XKRX: variants seen among roughly 807,000 people sequenced by gnomAD.
The protein encoded by XKRX is XK related X-linked, also known as XK-related protein 2.
Under a neutral mutation model 22.4 loss-of-function variants are expected in XKRX, and 11 were observed. That is an observed-to-expected ratio of 0.49 (90% CI 0.31 to 0.81). The LOEUF is 0.81. Ranked by LOEUF, XKRX falls within the 40% of genes least tolerant of loss-of-function variation. XKRX has a pLI of 0.05. For synonymous variants in XKRX, 114 were observed against 132.2 expected (o/e 0.86, Z 0.94); for missense variants, 320 against 336.5 (o/e 0.95, Z 0.38).
chrX:100,915,696 G>T (rs1005897942), intron 2 of XKRX, among the ~76,000 whole-genome samples: 2 of 102,954 alleles, frequency 1.9e-5, no homozygotes, highest in African/African-American at 8.1e-5. Context: ...GTCTGTGTGT[G>T]TGTGTGTGTG....
rs769954458 is a variant in XKRX at position 100,928,230 on chromosome X, A to G, written c.75T>C (p.Arg25=). 6 of 1,212,026 alleles carry G rather than the reference A, an allele frequency of 5.0e-6. No homozygotes were observed. In the East Asian group the frequency reaches 1.8e-4, roughly 36 times the overall value. The change falls in exon 1 of 3, where the codon CGT becomes CGC. Residue 25 remains arginine (R), a synonymous_variant. Transcript: ENST00000372956. ...PVSSLEEDVI[R]GANPRFTFPF... ...GAAAAGTAAATCGGGGGTTGGCTCC[A>G]CGGATGACATCTTCCTCCAGAGATG...
At chrX:100,892,542 A>G in the XKRX span, among the ~76,000 whole-genome samples, 1 of 112,837 alleles carries the variant, frequency 8.9e-6, no homozygotes, top group African/African-American at 3.2e-5. Flanking sequence ...TCAAAAGACA[A>G]CAAACAAGTG....
upstream of XKRX, among the ~76,000 whole-genome samples, chrX:100,931,647 C>A (rs779910921): frequency 1.3e-4 from 14 of 111,566 alleles, no homozygotes; most frequent in African/African-American, 4.2e-4. Context: ...CTGCCTCCCC[C>A]CAAAAATGTA....
chrX:100,940,680 A>G, the XKRX span, among the ~76,000 whole-genome samples: 60 of 111,556 alleles, frequency 5.4e-4, no homozygotes, highest in Non-Finnish European at 9.8e-4. Context: ...AGCTTGCTCA[A>G]AATACTGATT....
intron 1 of XKRX, among the ~76,000 whole-genome samples, chrX:100,923,808 T>C (rs1569455764): frequency 9.2e-6 from 1 of 108,721 alleles, no homozygotes; most frequent in Non-Finnish European, 1.9e-5. Context: ...ACCAAAGTTT[T>C]AGATTCTGCT....
chrX:100,928,711 CGGG>C lies in XKRX; in HGVS notation c.-410_-408del. The C allele has an allele frequency of 2.6e-6, 2 of 776,926 alleles. No individual in the cohort carries two copies. Among genetic ancestry groups the C allele is most frequent in the Non-Finnish European group, 3.1e-6 (2 of 654,579 alleles). The allele number at this position is 776,926 out of a possible 1,213,427, so 64.0% of individuals were successfully genotyped here. The stretch of plus-strand genomic sequence containing the variant: ...CTCAGGCAGGGTGTAGCCGATCTGT[CGGG>C]GGCACCGACACTCAGCAGCTCCTCA... On this transcript the variant is annotated 5_prime_UTR_variant, in exon 1 of 3. Coordinates refer to ENST00000372956, the MANE Select transcript of XKRX (RefSeq NM_212559.3).
the XKRX span, among the ~76,000 whole-genome samples, chrX:100,938,345 T>A: frequency 9.0e-6 from 1 of 111,545 alleles, no homozygotes; most frequent in Admixed American, 9.6e-5. Flanking sequence ...AACTGTGGGA[T>A]TGGCCGGGTG....
At chrX:100,908,978 C>T (rs957353911), downstream of XKRX, among the ~76,000 whole-genome samples, 2 of 111,786 alleles carry the variant, frequency 1.8e-5, no homozygotes, top group African/African-American at 6.5e-5. Flanking sequence ...AACTAGAAGT[C>T]AGCTTCCTAG....
At chrX:100,913,193 A>G (rs1423410506), downstream of XKRX, among the ~76,000 whole-genome samples, 2 of 107,543 alleles carry the variant, frequency 1.9e-5, no homozygotes, top group African/African-American at 6.9e-5. Flanking sequence ...GCGAGACTCC[A>G]TCTCAAAAAA....
chrX:100,912,608 G>A (rs1360874167), downstream of XKRX, among the ~76,000 whole-genome samples: 1 of 111,871 alleles, frequency 8.9e-6, no homozygotes, highest in Non-Finnish European at 1.9e-5. Flanking sequence ...AGGTCAGATT[G>A]TTCACAATTT....
At chrX:100,956,490 C>A in the XKRX span, 1 of 324,481 alleles carries the variant, frequency 3.1e-6, no homozygotes, top group South Asian at 4.6e-5. Context: ...TGGATGGTTC[C>A]ATTTATATGA....
In XKRX at chrX:100,926,252, T is replaced by C. The variant is rs146057873; in HGVS notation, c.335+1718A>G. Among the ~76,000 whole-genome samples the C allele has an allele frequency of 5.0e-3, 555 of 111,929 alleles. 6 individuals carry two copies. The highest frequency in any genetic ancestry group is 0.017 in the African/African-American group (537 of 30,841). On this transcript the variant is annotated intron_variant, in intron 1 of 2. Coordinates refer to ENST00000372956, the MANE Select transcript of XKRX (RefSeq NM_212559.3). ...GCTTTACAGATGAGGGAACTCTATA[T>C]GCCTTCCTGTGAAGCCATCTTCAGA...
upstream of XKRX, among the ~76,000 whole-genome samples, chrX:100,933,477 C>CT (rs1431843556): frequency 1.3e-5 from 1 of 76,510 alleles, no homozygotes; most frequent in Non-Finnish European, 2.3e-5. Context: ...GAGATTCCGT[C>CT]TAAAAAAAAA....
At chrX:100,917,686 G>GA (rs773192046) in intron 2 of XKRX, among the ~76,000 whole-genome samples, 44 of 91,961 alleles carry the variant, frequency 4.8e-4, no homozygotes, top group African/African-American at 1.8e-3. Flanking sequence ...AAGAAAGAAA[G>GA]AAAGAAAGAA....
At chrX:100,893,677 C>T in the XKRX span, among the ~76,000 whole-genome samples, 1 of 111,980 alleles carries the variant, frequency 8.9e-6, no homozygotes, top group Non-Finnish European at 1.9e-5. Flanking sequence ...ATGGATGCAG[C>T]TGAAGGCCAT....
At chrX:100,947,636 T>C in the XKRX span, among the ~76,000 whole-genome samples, 1 of 112,206 alleles carries the variant, frequency 8.9e-6, no homozygotes, top group Non-Finnish European at 1.9e-5. Context: ...AGGGCCTGCC[T>C]GGGCTTATGT....
chrX:100,939,155 A>G, the XKRX span, among the ~76,000 whole-genome samples: 2,359 of 111,910 alleles, frequency 0.021, 66 homozygotes, highest in African/African-American at 0.073. Flanking sequence ...ATATACATAC[A>G]TGTATAGCAG....
At chrX:100,952,389 G>T in the XKRX span, among the ~76,000 whole-genome samples, 2 of 108,189 alleles carry the variant, frequency 1.8e-5, no homozygotes, top group Non-Finnish European at 3.8e-5. Context: ...CATGGGGGTC[G>T]CTGGCCTCCA....
chrX:100,926,963 A>C (rs1466551874), intron 1 of XKRX, among the ~76,000 whole-genome samples: 4 of 111,623 alleles, frequency 3.6e-5, no homozygotes, highest in African/African-American at 1.3e-4. Flanking sequence ...GGTTTAAAAT[A>C]GTTTCCAGAT....
Sources: allele counts gnomAD v4.1 joint callset (sites outside exome capture counted in the v4.1 genomes callset), GRCh38; gene constraint gnomAD v4.1.1; transcripts MANE v1.5; gene names NCBI Gene and HGNC (gene_info 2026-07-23, HGNC 2026-07-21).